EAF1: variants seen among roughly 807,000 people sequenced by gnomAD.
EAF1 encodes the protein ELL-associated factor 1.
In EAF1, 19 loss-of-function variants were observed where a neutral mutation model predicts 26.6. That is an observed-to-expected ratio of 0.71 (90% confidence interval 0.50 to 1.05). The LOEUF (loss-of-function observed/expected upper bound fraction) is 1.05. Ranked by LOEUF, EAF1 falls within the 50% of genes least tolerant of loss-of-function variation. The pLI is 0.00. For synonymous variants in EAF1, 102 were observed against 120.6 expected (o/e 0.85, Z 1.01); for missense variants, 260 against 335.5 (o/e 0.78, Z 1.76).
rs573228558 is a variant in EAF1 at position 15,434,459 on chromosome 3, G to A, written c.447G>A (p.Thr149=). The change falls in exon 4 of 6, where the codon ACG becomes ACA. Residue 149 remains threonine (T), a synonymous_variant. Coordinates refer to ENST00000396842, the MANE Select transcript of EAF1 (RefSeq NM_033083.7). The part of the protein sequence containing the change: ...PPPPMPFRAP[T]KPPVGPKTSP... ...CACCTATGCCATTCAGAGCTCCAACGAAGCCTCCAGTTGGACCCAAAACTT... is the reference window on the plus strand; with the variant it reads ...CACCTATGCCATTCAGAGCTCCAACAAAGCCTCCAGTTGGACCCAAAACTT... The A allele has an allele frequency of 5.0e-6, 8 of 1,614,012 alleles. No individual in the cohort carries two copies. Among genetic ancestry groups the A allele is most frequent in the East Asian group, 2.2e-5 (1 of 44,894 alleles).
chr3:15,441,790 T>C lies in EAF1; in HGVS notation c.*2635T>C, dbSNP rs2061872029. The C allele has an allele frequency of 6.6e-6, 1 of 152,670 alleles. No homozygotes were observed. The highest frequency in any genetic ancestry group is 2.4e-5 in the African/African-American group (1 of 41,452). 9.5% of individuals were successfully genotyped at this position (152,670 alleles called of 1,614,324 possible). A position where few individuals can be genotyped will look rare whatever the true frequency, so the allele number is the denominator to read the frequency against. ...TGGTGGGGTAGAAGGCAGAGAAGACTACCCAGCCAGTGAAGTGCAGAGGAT... is the reference window on the plus strand; with the variant it reads ...TGGTGGGGTAGAAGGCAGAGAAGACCACCCAGCCAGTGAAGTGCAGAGGAT... On this transcript the variant is annotated 3_prime_UTR_variant, in exon 6 of 6. Coordinates refer to ENST00000396842, the MANE Select transcript of EAF1 (RefSeq NM_033083.7).
chr3:15,439,038 G>A, intron 5 of EAF1, 71 bp from the exon 6 acceptor site: 2 of 1,455,270 alleles, frequency 1.4e-6, no homozygotes, highest in Non-Finnish European at 1.9e-6. Context: ...AAAAAATTAT[G>A]AGGAAGTCAT....
intron 5 of EAF1, among the ~76,000 whole-genome samples, chr3:15,437,922 A>T (rs1478749613): frequency 6.6e-6 from 1 of 152,180 alleles, no homozygotes; most frequent in African/African-American, 2.4e-5. Flanking sequence ...TACCCACTAG[A>T]TGCCAGTACC....
chr3:15,439,079 T>A (rs374705267), intron 5 of EAF1, 30 bp from the exon 6 acceptor site: 1 of 1,586,946 alleles, frequency 6.3e-7, no homozygotes, highest in South Asian at 1.2e-5. Context: ...TTTGATTCTA[T>A]GATTTTACTT....
At chr3:15,428,637 A>G (rs562390280) in intron 1 of EAF1, among the ~76,000 whole-genome samples, 1 of 152,320 alleles carries the variant, frequency 6.6e-6, no homozygotes, top group Admixed American at 6.5e-5. Flanking sequence ...GGAATGTCCA[A>G]ATAGTCATTA....
At chr3:15,433,337 A>G (rs557099054) in intron 3 of EAF1, 3 of 152,404 alleles carry the variant, frequency 2.0e-5, no homozygotes, top group Admixed American at 1.3e-4. Flanking sequence ...CTGCCACTCT[A>G]TTTATTTGTA....
Position 15,434,408 on chromosome 3 carries a change from G to C in EAF1, c.396G>C (p.Gln132His). ...AACAGCAGCCCACTCGTCCTCCACA[G>C]ACGTCACAGCCACCACCACCTCCAC... is the stretch of plus-strand genomic sequence containing the variant. ...RMEQQPTRPP[Q>H]TSQPPPPPPP... Residue 132 changes from glutamine to histidine, a missense_variant, in exon 4 of 6, where the codon CAG (glutamine) becomes CAC (histidine). Coordinates refer to ENST00000396842, the MANE Select transcript of EAF1 (RefSeq NM_033083.7). 6.2e-7 allele frequency: 1 copy of C among 1,614,184 alleles called. No homozygotes were observed. The highest frequency in any genetic ancestry group is 8.5e-7 in the Non-Finnish European group (1 of 1,180,024).
chr3:15,438,020 A>AAGTAT (rs1323185300), intron 5 of EAF1, among the ~76,000 whole-genome samples: 3 of 152,156 alleles, frequency 2.0e-5, no homozygotes, highest in Non-Finnish European at 4.4e-5. Context: ...ATAGAGACTG[A>AAGTAT]AGTATATGAA....
intron 4 of EAF1, 44 bp downstream of exon 4, chr3:15,434,582 G>C: frequency 6.2e-7 from 1 of 1,603,152 alleles, no homozygotes; most frequent in African/African-American, 1.3e-5. Flanking sequence ...TTGGAGTAGA[G>C]TGCTGAATTT....
Position 15,439,351 on chromosome 3 carries a change from A to G in EAF1, c.*196A>G, listed in dbSNP as rs1011544126. 4.2e-6 allele frequency: 2 copies of G among 479,654 alleles called. No individual in the cohort carries two copies. Among genetic ancestry groups the G allele is most frequent in the Non-Finnish European group, 7.4e-6 (2 of 270,864 alleles). 29.7% of individuals were successfully genotyped at this position (479,654 alleles called of 1,614,324 possible). On this transcript the variant is annotated 3_prime_UTR_variant, in exon 6 of 6. Transcript: ENST00000396842. The stretch of plus-strand genomic sequence containing the variant: ...GATTTTCTCGTGTCATTTTTGAACA[A>G]TCTCATCTTTCAAAGTTTAAGTAGA...
chr3:15,432,722 T>C (rs1271307344), intron 3 of EAF1, among the ~76,000 whole-genome samples: 3 of 152,194 alleles, frequency 2.0e-5, no homozygotes, highest in Non-Finnish European at 4.4e-5. Flanking sequence ...TAGAGTTTAT[T>C]TGAAAATAAA....
In EAF1 at chr3:15,436,012, C is replaced by T. The variant is rs559281997; in HGVS notation, c.527-330C>T. On this transcript the variant is annotated intron_variant, in intron 4 of 5. Transcript: ENST00000396842. ...TTATGTGGGAATTATGGTTTTATCC[C>T]ATAGTTCATAATATTCATAATTTTT... Among the ~76,000 whole-genome samples, 4 of 152,278 alleles carry T rather than the reference C, an allele frequency of 2.6e-5. No homozygotes were observed. The South Asian group carries it at 8.3e-4, about 32-fold the overall frequency.
Position 15,434,332 on chromosome 3 carries a change from CTG to C in EAF1, c.336-14_336-13del. On this transcript the variant is annotated splice_polypyrimidine_tract_variant and intron_variant, in intron 3 of 5. Coordinates refer to ENST00000396842, the MANE Select transcript of EAF1 (RefSeq NM_033083.7). ...TATTTTTGCCCTGCTAATTTAATGT[CTG>C]TATCTCCTTTCAGAGCTGAGGGCAG... 6.2e-7 allele frequency: 1 copy of C among 1,612,232 alleles called. No individual in the cohort carries two copies. The highest frequency in any genetic ancestry group is 8.5e-7 in the Non-Finnish European group (1 of 1,178,512).
In EAF1 at chr3:15,439,991, G is replaced by C. The variant is rs954319227; in HGVS notation, c.*836G>C. 2.0e-5 allele frequency: 3 copies of C among 152,264 alleles called. No homozygotes were observed. The East Asian group carries it at 5.8e-4, about 29-fold the overall frequency. The allele number at this position is 152,264 out of a possible 1,614,324, so 9.4% of individuals were successfully genotyped here. A position where few individuals can be genotyped will look rare whatever the true frequency, so the allele number is the denominator to read the frequency against. On this transcript the variant is annotated 3_prime_UTR_variant, in exon 6 of 6. Coordinates refer to ENST00000396842, the MANE Select transcript of EAF1 (RefSeq NM_033083.7). ...CTAAATACATGAGGCTGGGTGAGCA[G>C]ATGAAACCGGTAGCCACTGTGCTGA...
intron 3 of EAF1, among the ~76,000 whole-genome samples, chr3:15,433,754 G>A (rs562970538): frequency 1.6e-4 from 25 of 152,308 alleles, no homozygotes; most frequent in Admixed American, 4.6e-4. Flanking sequence ...ATTACATAAT[G>A]ATGTTTTGGT....
chr3:15,427,753 A>C lies in EAF1; in HGVS notation c.-27A>C. 1 of 1,549,182 alleles carries C rather than the reference A, an allele frequency of 6.5e-7. No individual in the cohort carries two copies. Among genetic ancestry groups the C allele is most frequent in the Non-Finnish European group, 8.7e-7 (1 of 1,145,606 alleles). On this transcript the variant is annotated 5_prime_UTR_variant, in exon 1 of 6. Coordinates refer to ENST00000396842, the MANE Select transcript of EAF1 (RefSeq NM_033083.7). ...TCGCGGCTGCACCGGGAGAGCGCCGATCTGGGTGCGAGGCAGGTGCGGGGC... is the reference window on the plus strand; with the variant it reads ...TCGCGGCTGCACCGGGAGAGCGCCGCTCTGGGTGCGAGGCAGGTGCGGGGC...
chr3:15,439,066 T>C, intron 5 of EAF1, 43 bp from the exon 6 acceptor site: 1 of 1,564,890 alleles, frequency 6.4e-7, no homozygotes. Flanking sequence ...TTCTGTACTT[T>C]TGTTTGATTC....
intron 1 of EAF1, among the ~76,000 whole-genome samples, chr3:15,428,443 CAG>C (rs1318704815): frequency 6.6e-6 from 1 of 152,210 alleles, no homozygotes; most frequent in Admixed American, 6.5e-5. Flanking sequence ...TGCGCCTCAT[CAG>C]AGTCTTCTTC....
In EAF1 at chr3:15,440,977, A is replaced by G. The variant is rs904787236; in HGVS notation, c.*1822A>G. 1 of 152,610 alleles carries G rather than the reference A, an allele frequency of 6.6e-6. No individual in the cohort carries two copies. The highest frequency in any genetic ancestry group is 1.5e-5 in the Non-Finnish European group (1 of 68,052). The allele number at this position is 152,610 out of a possible 1,614,324, so 9.5% of individuals were successfully genotyped here. ...CCAGGAACTTGAACTAAAAATATCT[A>G]TTTAAGCCTCTCTCTCTTTCTCTCC... is the stretch of plus-strand genomic sequence containing the variant. On this transcript the variant is annotated 3_prime_UTR_variant, in exon 6 of 6. Transcript: ENST00000396842.
Sources: gnomAD v4.1 joint callset for allele counts (sites outside exome capture counted in the v4.1 genomes callset) on GRCh38, gnomAD v4.1.1 for gene constraint, MANE v1.5 for transcripts, NCBI Gene and HGNC (gene_info 2026-07-23, HGNC 2026-07-21) for gene names.